SCD5: variants seen among roughly 807,000 people sequenced by gnomAD.
The protein encoded by SCD5 is stearoyl-CoA desaturase 5, also known as acyl-CoA-desaturase 4.
In SCD5, 20 loss-of-function variants were observed where a neutral mutation model predicts 30.4. That is an observed-to-expected ratio of 0.66 (90% CI 0.46 to 0.96). The LOEUF (loss-of-function observed/expected upper bound fraction) is 0.96, where lower values mean the gene tolerates loss of function less well. Ranked by LOEUF, SCD5 falls within the 40% of genes least tolerant of loss-of-function variation. SCD5 has a pLI of 0.00. For synonymous variants in SCD5, 173 were observed against 176.4 expected (o/e 0.98, Z 0.16); for missense variants, 381 against 443.3 (o/e 0.86, Z 1.26).
intron 1 of SCD5, among the ~76,000 whole-genome samples, chr4:82,710,814 G>A (rs1349426278): frequency 6.6e-6 from 1 of 151,944 alleles, no homozygotes; most frequent in Non-Finnish European, 1.5e-5. Context: ...GAGAGAGGGA[G>A]GGAGGGAGGG....
At chr4:82,794,533 T>C (rs1018159372) in intron 1 of SCD5, among the ~76,000 whole-genome samples, 4 of 152,198 alleles carry the variant, frequency 2.6e-5, no homozygotes, top group Non-Finnish European at 5.9e-5. Flanking sequence ...CTACCCATCT[T>C]GGGATTCAGG....
intron 1 of SCD5, among the ~76,000 whole-genome samples, chr4:82,785,125 C>T (rs1012293350): frequency 6.6e-6 from 1 of 152,206 alleles, no homozygotes; most frequent in Admixed American, 6.5e-5. Flanking sequence ...CACCACCCCC[C>T]ATCCCCCCAG....
At chr4:82,774,518 C>T (rs553060110) in intron 1 of SCD5, among the ~76,000 whole-genome samples, 6 of 152,228 alleles carry the variant, frequency 3.9e-5, no homozygotes, top group African/African-American at 1.4e-4. Flanking sequence ...GCTTTTGCTT[C>T]CTTGTGTTTT....
intron 1 of SCD5, among the ~76,000 whole-genome samples, chr4:82,707,824 C>A (rs1719999848): frequency 6.6e-6 from 1 of 152,230 alleles, no homozygotes; most frequent in South Asian, 2.1e-4. Context: ...CAACACACTG[C>A]AGCCCCGTGG....
intron 1 of SCD5, among the ~76,000 whole-genome samples, chr4:82,779,624 G>C (rs1167158110): frequency 6.6e-6 from 1 of 152,184 alleles, no homozygotes; most frequent in East Asian, 1.9e-4. Flanking sequence ...AAGGATGCTA[G>C]GCAGGGCTCA....
chr4:82,774,253 T>C (rs528563070), intron 1 of SCD5, among the ~76,000 whole-genome samples: 85 of 149,038 alleles, frequency 5.7e-4, no homozygotes, highest in Non-Finnish European at 9.7e-4. Flanking sequence ...TTTTCAACAA[T>C]AGGGGGTTAA....
chr4:82,653,816 A>G (rs957695384), intron 3 of SCD5, among the ~76,000 whole-genome samples: 1 of 152,140 alleles, frequency 6.6e-6, no homozygotes, highest in African/African-American at 2.4e-5. Flanking sequence ...ACATCTGAGT[A>G]ATTGTTTTTC....
In SCD5 at chr4:82,631,336, G is replaced by C; in HGVS notation, c.984C>G (p.Ser328Arg). The change falls in exon 5 of 5, where the codon AGC becomes AGG. Residue 328 changes from serine (S) to arginine (R), a missense_variant. Coordinates refer to ENST00000319540, the MANE Select transcript of SCD5 (RefSeq NM_001037582.3). Reference sequence around the variant, plus strand: ...GATGGCTGTTCCAAGTTCAAGCACTGCTGTCTCCAGTCCTGGCCTTCCGGG... The same window carrying C: ...GATGGCTGTTCCAAGTTCAAGCACTCCTGTCTCCAGTCCTGGCCTTCCGGG... The part of the protein sequence containing the change: ...IEARKARTGD[S>R]SA 13 of 1,613,478 alleles carry C rather than the reference G, an allele frequency of 8.1e-6. No homozygotes were observed. The highest frequency in any genetic ancestry group is 1.1e-5 in the Non-Finnish European group (13 of 1,179,728).
At chr4:82,687,902 C>CTA (rs1282800410) in intron 2 of SCD5, among the ~76,000 whole-genome samples, 1 of 152,192 alleles carries the variant, frequency 6.6e-6, no homozygotes, top group Non-Finnish European at 1.5e-5. Context: ...ACAGAGGACA[C>CTA]TGTCTTTTAA....
rs554436623 is a variant in SCD5 at position 82,715,272 on chromosome 4, C to T, written c.233-9859G>A. Among the ~76,000 whole-genome samples, 94 of 150,744 alleles carry T rather than the reference C, an allele frequency of 6.2e-4. 2 individuals carry two copies. Among genetic ancestry groups the T allele is most frequent in the African/African-American group, 1.2e-3 (48 of 40,584 alleles). On this transcript the variant is annotated intron_variant, in intron 1 of 4. Coordinates refer to ENST00000319540, the MANE Select transcript of SCD5 (RefSeq NM_001037582.3). ...AAAAATCATGTGATCAGATTTAGAA[C>T]GATAGATCTGAAGGCTGTGGAAGAT...
In SCD5 at chr4:82,712,258, A is replaced by G. The variant is rs111801172; in HGVS notation, c.233-6845T>C. Among the ~76,000 whole-genome samples, 13 of 34,432 alleles carry G rather than the reference A, an allele frequency of 3.8e-4. 1 individual carries two copies. The highest frequency in any genetic ancestry group is 2.4e-3 in the African/African-American group (13 of 5,350). 22.6% of individuals were successfully genotyped at this position (34,432 alleles called of 152,430 possible). A position where few individuals can be genotyped will look rare whatever the true frequency, so the allele number is the denominator to read the frequency against. ...GACCAACTAACATATATATATATAT[A>G]TATATATATATATATATATATATAT... On this transcript the variant is annotated intron_variant, in intron 1 of 4. Coordinates refer to ENST00000319540, the MANE Select transcript of SCD5 (RefSeq NM_001037582.3).
intron 3 of SCD5, among the ~76,000 whole-genome samples, chr4:82,639,829 C>G (rs1171527564): frequency 1.3e-5 from 2 of 152,248 alleles, no homozygotes; most frequent in African/African-American, 2.4e-5. Flanking sequence ...TTCCTCCGCT[C>G]TTTGGATTAC....
intron 1 of SCD5, among the ~76,000 whole-genome samples, chr4:82,773,692 G>C (rs1721677396): frequency 6.6e-6 from 1 of 152,184 alleles, no homozygotes; most frequent in South Asian, 2.1e-4. Flanking sequence ...CTAGATGCTA[G>C]CGGCAATCTC....
intron 1 of SCD5, among the ~76,000 whole-genome samples, chr4:82,747,740 G>A (rs184348028): frequency 1.3e-5 from 2 of 152,312 alleles, no homozygotes; most frequent in African/African-American, 2.4e-5. Flanking sequence ...TACGCCATTG[G>A]CCAACTGTCT....
intron 3 of SCD5, among the ~76,000 whole-genome samples, chr4:82,651,498 C>T (rs1018801673): frequency 2.0e-5 from 3 of 152,144 alleles, no homozygotes; most frequent in Non-Finnish European, 4.4e-5. Flanking sequence ...TAAAAGATTA[C>T]ACATTAAGTA....
chr4:82,678,585 A>G (rs901625474), intron 3 of SCD5, among the ~76,000 whole-genome samples: 3 of 152,244 alleles, frequency 2.0e-5, no homozygotes, highest in Admixed American at 6.5e-5. Context: ...TGACATACAT[A>G]GCTGACCACA....
intron 3 of SCD5, among the ~76,000 whole-genome samples, chr4:82,637,972 G>A (rs774014886): frequency 2.4e-4 from 36 of 152,064 alleles, no homozygotes; most frequent in Admixed American, 2.6e-4. Flanking sequence ...TCAACCCATC[G>A]CCTATTTATC....
chr4:82,691,894 G>T (rs151310123), intron 2 of SCD5: 4 of 152,402 alleles, frequency 2.6e-5, no homozygotes, highest in African/African-American at 9.6e-5. Context: ...CTAGCTAGGT[G>T]TGTCTGGTGT....
At chr4:82,654,162 C>T (rs1345821773) in intron 3 of SCD5, among the ~76,000 whole-genome samples, 1 of 152,120 alleles carries the variant, frequency 6.6e-6, no homozygotes, top group African/African-American at 2.4e-5. Flanking sequence ...GGTAATCCAC[C>T]CACCTCGGCC....
Sources: allele counts gnomAD v4.1 joint callset (sites outside exome capture counted in the v4.1 genomes callset), GRCh38; gene constraint gnomAD v4.1.1; transcripts MANE v1.5; gene names NCBI Gene and HGNC (gene_info 2026-07-23, HGNC 2026-07-21).